Variants in PHLPP1 observed in about 807,000 individuals in gnomAD.
PHLPP1 encodes PH domain and leucine rich repeat protein phosphatase 1, also known as PH domain leucine-rich repeat-containing protein phosphatase 1.
Under a neutral mutation model 117.2 loss-of-function variants are expected in PHLPP1, and 42 were observed. That is an observed-to-expected ratio of 0.36 (90% CI 0.28 to 0.46). The LOEUF (loss-of-function observed/expected upper bound fraction) is 0.46. PHLPP1 is among the 20% of genes least tolerant of loss of function. The pLI is 1.00. For missense variants in PHLPP1, 2,084 were observed against 2,241.9 expected, an observed-to-expected ratio of 0.93 and a Z score of 1.42; for synonymous variants, 1,042 against 970.7, an observed-to-expected ratio of 1.07 and a Z score of -1.37.
At chr18:62,949,479 T>C (rs923490262) in intron 12 of PHLPP1, among the ~76,000 whole-genome samples, 2 of 152,232 alleles carry the variant, frequency 1.3e-5, no homozygotes, top group African/African-American at 4.8e-5. Context: ...TCTAATGAGA[T>C]CTGTAAAGTG....
At chr18:62,940,121 G>A (rs1036105790) in intron 10 of PHLPP1, among the ~76,000 whole-genome samples, 3 of 152,040 alleles carry the variant, frequency 2.0e-5, no homozygotes, top group Non-Finnish European at 2.9e-5. Context: ...TTGGACATTC[G>A]TCATGAATCA....
chr18:62,803,074 T>G (rs1417870438), intron 1 of PHLPP1, among the ~76,000 whole-genome samples: 1 of 152,202 alleles, frequency 6.6e-6, no homozygotes, highest in Non-Finnish European at 1.5e-5. Flanking sequence ...GCCTTAAAAG[T>G]CTTAAATATA....
intron 6 of PHLPP1, among the ~76,000 whole-genome samples, chr18:62,896,443 C>T (rs570853839): frequency 5.9e-5 from 9 of 152,124 alleles, no homozygotes; most frequent in African/African-American, 1.7e-4. Flanking sequence ...AGGCACCCAC[C>T]ACCATGCCTG....
At chr18:62,750,967 T>C (rs1396910875) in intron 1 of PHLPP1, among the ~76,000 whole-genome samples, 2 of 152,226 alleles carry the variant, frequency 1.3e-5, no homozygotes, top group Non-Finnish European at 1.5e-5. Flanking sequence ...CGTTAAATAC[T>C]GTTTCTCAGG....
chr18:62,958,723 G>A lies in PHLPP1; in HGVS notation c.3419G>A (p.Arg1140His), dbSNP rs372737422. ...LQELDLTGNP[R>H]LVLDHKTLEL... ...GAGCTAGACCTGACTGGAAACCCGC[G>A]CCTTGTCCTTGATCACAAAACCCTG... The change falls in exon 13 of 17, where the codon CGC (arginine) becomes CAC (histidine). Residue 1140 changes from arginine to histidine, a missense_variant. Coordinates refer to ENST00000262719, the MANE Select transcript of PHLPP1 (RefSeq NM_194449.4). 18 of 1,613,928 alleles carry A rather than the reference G, an allele frequency of 1.1e-5. No individual in the cohort carries two copies. The highest frequency in any genetic ancestry group is 8.0e-5 in the African/African-American group (6 of 75,018).
chr18:62,762,938 A>G (rs960863892), intron 1 of PHLPP1, among the ~76,000 whole-genome samples: 1 of 152,186 alleles, frequency 6.6e-6, no homozygotes, highest in Non-Finnish European at 1.5e-5. Context: ...GTTTATGGAA[A>G]AGAGTTCTTA....
intron 3 of PHLPP1, among the ~76,000 whole-genome samples, chr18:62,859,524 A>G (rs1323598899): frequency 6.6e-6 from 1 of 152,238 alleles, no homozygotes; most frequent in African/African-American, 2.4e-5. Flanking sequence ...TGGGAGAGGC[A>G]GCCTGAAAAG....
intron 7 of PHLPP1, 139 bp downstream of exon 7, chr18:62,903,305 G>A: frequency 4.8e-6 from 3 of 631,256 alleles, no homozygotes; most frequent in Non-Finnish European, 8.1e-6. Flanking sequence ...AGTCACAAAA[G>A]AAAAATGCTG....
intron 1 of PHLPP1, among the ~76,000 whole-genome samples, chr18:62,822,729 T>C (rs1914503910): frequency 6.6e-6 from 1 of 152,226 alleles, no homozygotes; most frequent in African/African-American, 2.4e-5. Flanking sequence ...ATTGTAACTG[T>C]GCTTTTTTAC....
At chr18:62,925,816 A>T (rs905535279) in intron 10 of PHLPP1, among the ~76,000 whole-genome samples, 3 of 152,194 alleles carry the variant, frequency 2.0e-5, no homozygotes, top group African/African-American at 7.2e-5. Context: ...AAACATGCAG[A>T]TTCTTGGCTC....
intron 12 of PHLPP1, among the ~76,000 whole-genome samples, chr18:62,957,610 GT>G (rs1910650350): frequency 6.6e-6 from 1 of 150,926 alleles, no homozygotes; most frequent in South Asian, 2.1e-4. Flanking sequence ...TTGTTTGTTT[GT>G]TTGTTTTCTG....
intron 12 of PHLPP1, among the ~76,000 whole-genome samples, chr18:62,947,039 C>T (rs1042490065): frequency 6.6e-6 from 1 of 152,076 alleles, no homozygotes; most frequent in Non-Finnish European, 1.5e-5. Flanking sequence ...GGCAACAGAG[C>T]GAGACTCCGT....
At chr18:62,901,604 G>T (rs1341258920) in intron 6 of PHLPP1, among the ~76,000 whole-genome samples, 1 of 150,506 alleles carries the variant, frequency 6.6e-6, no homozygotes, top group African/African-American at 2.4e-5. Context: ...CTGTACTCTA[G>T]ACTTATATTA....
chr18:62,965,915 G>A lies in PHLPP1; in HGVS notation c.3560+2443G>A, dbSNP rs936283983. On this transcript the variant is annotated intron_variant, in intron 14 of 16. Coordinates refer to ENST00000262719, the MANE Select transcript of PHLPP1 (RefSeq NM_194449.4). ...CTTTCATACTACCTCATTCCAATTAGCAAGGGGAGCCTACAGAAGGAAGAC... is the reference window on the plus strand; with the variant it reads ...CTTTCATACTACCTCATTCCAATTAACAAGGGGAGCCTACAGAAGGAAGAC... 1.2e-4 allele frequency among the ~76,000 whole-genome samples: 18 copies of A among 150,286 alleles called. 1 individual carries two copies. Among genetic ancestry groups the A allele is most frequent in the Admixed American group, 1.2e-3 (18 of 15,120 alleles).
At chr18:62,895,236 A>G (rs1599107728) in intron 5 of PHLPP1, 79 bp downstream of exon 5, 2 of 1,427,590 alleles carry the variant, frequency 1.4e-6, no homozygotes, top group Non-Finnish European at 1.9e-6. Context: ...ACATGAGATT[A>G]GTTAACTTGT....
At chr18:62,863,437 A>C (rs561063807) in intron 4 of PHLPP1, among the ~76,000 whole-genome samples, 3 of 152,212 alleles carry the variant, frequency 2.0e-5, no homozygotes, top group East Asian at 3.9e-4. Context: ...TCTTGGACTC[A>C]AGTGATCCAC....
intron 1 of PHLPP1, among the ~76,000 whole-genome samples, chr18:62,821,646 C>T (rs1013477409): frequency 2.0e-5 from 3 of 149,470 alleles, no homozygotes; most frequent in Non-Finnish European, 4.4e-5. Context: ...AGTTCTCTAA[C>T]CAAACTGATC....
intron 1 of PHLPP1, among the ~76,000 whole-genome samples, chr18:62,762,173 A>T: frequency 6.6e-6 from 1 of 151,830 alleles, no homozygotes; most frequent in South Asian, 2.1e-4. Flanking sequence ...GCATTTGTAA[A>T]GCTATGGTTT....
chr18:62,745,830 T>G (rs1420538037), intron 1 of PHLPP1, among the ~76,000 whole-genome samples: 1 of 152,228 alleles, frequency 6.6e-6, no homozygotes, highest in Non-Finnish European at 1.5e-5. Context: ...GTTCTACATA[T>G]GAATCTATGA....
Sources: allele counts gnomAD v4.1 joint callset (sites outside exome capture counted in the v4.1 genomes callset), GRCh38; gene constraint gnomAD v4.1.1; transcripts MANE v1.5; gene names NCBI Gene and HGNC (gene_info 2026-07-23, HGNC 2026-07-21).